CUX1: variants seen among roughly 807,000 people sequenced by gnomAD.
CUX1 encodes protein CASP.
Under a neutral mutation model 158.8 loss-of-function variants are expected in CUX1, and 31 were observed. That is an observed-to-expected ratio of 0.20 (90% CI 0.15 to 0.26). The LOEUF is 0.26. CUX1 is among the 10% of genes least tolerant of loss of function. The pLI, the probability that CUX1 is intolerant of heterozygous loss-of-function variation, is 1.00. For synonymous variants in CUX1, 879 were observed against 862.1 expected (o/e 1.02, Z -0.34); for missense variants, 1,589 against 2,014.6 (o/e 0.79, Z 4.04).
chr7:102,241,573 A>G (rs192579885), intron 23 of CUX1, among the ~76,000 whole-genome samples: 2 of 152,226 alleles, frequency 1.3e-5, no homozygotes, highest in Admixed American at 1.3e-4. Context: ...GGTCCACTGG[A>G]GTTCCTAAAG....
Position 102,255,962 on chromosome 7 carries a change from C to A in CUX1, c.*6920C>A. The A allele has an allele frequency of 1.0e-6, 1 of 985,410 alleles. No individual in the cohort carries two copies. The highest frequency in any genetic ancestry group is 1.2e-6 in the Non-Finnish European group (1 of 829,938). The allele number at this position is 985,410 out of a possible 1,614,324, so 61.0% of individuals were successfully genotyped here. ...AATAACGTATTGCACACCAAATGAA[C>A]TCAAAGTAAGCTTTAGACCAGGACG... On this transcript the variant is annotated 3_prime_UTR_variant, in exon 24 of 24. Transcript: ENST00000292535.
chr7:101,900,118 G>A (rs894775987), intron 1 of CUX1, among the ~76,000 whole-genome samples: 1 of 152,200 alleles, frequency 6.6e-6, no homozygotes. Flanking sequence ...AGAATGGGGA[G>A]ACTAGCAGCA....
chr7:101,851,316 C>G (rs1228108550), intron 1 of CUX1, among the ~76,000 whole-genome samples: 1 of 152,018 alleles, frequency 6.6e-6, no homozygotes, highest in Non-Finnish European at 1.5e-5. Context: ...AGGGTTTCAT[C>G]TTTCTTGGTG....
At chr7:102,066,641 G>C (rs1371603118) in intron 3 of CUX1, among the ~76,000 whole-genome samples, 1 of 152,198 alleles carries the variant, frequency 6.6e-6, no homozygotes, top group East Asian at 1.9e-4. Context: ...AGAAAGAGAA[G>C]CCTCTGTGTG....
At chr7:102,132,967 G>A (rs144080543) in intron 8 of CUX1, among the ~76,000 whole-genome samples, 112 of 152,036 alleles carry the variant, frequency 7.4e-4, no homozygotes, top group African/African-American at 2.2e-3. Flanking sequence ...CACCGCACCC[G>A]GCCTTAATTT....
chr7:101,837,755 C>T (rs955284622), intron 1 of CUX1, among the ~76,000 whole-genome samples: 8 of 133,502 alleles, frequency 6.0e-5, no homozygotes, highest in African/African-American at 1.4e-4. Flanking sequence ...CACTTGAAGC[C>T]GGGAGGTCGA....
At chr7:101,918,809 G>A (rs2129091030) in intron 2 of CUX1, among the ~76,000 whole-genome samples, 1 of 152,290 alleles carries the variant, frequency 6.6e-6, no homozygotes, top group Non-Finnish European at 1.5e-5. Flanking sequence ...TCAGGTTGGA[G>A]GACCACCCAA....
chr7:102,038,713 C>A (rs1464107173), intron 3 of CUX1, among the ~76,000 whole-genome samples: 1 of 152,108 alleles, frequency 6.6e-6, no homozygotes, highest in African/African-American at 2.4e-5. Context: ...AGTACTTTGG[C>A]AGGCAGAGGT....
intron 1 of CUX1, among the ~76,000 whole-genome samples, chr7:101,850,695 A>T (rs1375888363): frequency 6.6e-6 from 1 of 152,096 alleles, no homozygotes. Flanking sequence ...CTGGTTTTCT[A>T]AGTAGCAGGC....
chr7:102,080,336 CT>C (rs1827237374), intron 4 of CUX1, among the ~76,000 whole-genome samples: 1 of 152,160 alleles, frequency 6.6e-6, no homozygotes, highest in African/African-American at 2.4e-5. Context: ...TCATCAGTCG[CT>C]CATCAGCATG....
Position 102,063,384 on chromosome 7 carries a change from T to C in CUX1, c.190-6955T>C, listed in dbSNP as rs865851985. Among the ~76,000 whole-genome samples, 227 of 24,380 alleles carry C rather than the reference T, an allele frequency of 9.3e-3. 2 individuals carry two copies. Among genetic ancestry groups the C allele is most frequent in the African/African-American group, 0.029 (216 of 7,560 alleles). The allele number at this position is 24,380 out of a possible 152,430, so 16.0% of individuals were successfully genotyped here. On this transcript the variant is annotated intron_variant, in intron 3 of 23. Transcript: ENST00000292535. ...TTTACATATTAAGTATTTCCTTTTC[T>C]TTTTTTTTTTTTTTTTTTTTTTGAG...
chr7:102,149,163 C>T (rs1835341366), intron 8 of CUX1, among the ~76,000 whole-genome samples: 1 of 152,084 alleles, frequency 6.6e-6, no homozygotes, highest in Non-Finnish European at 1.5e-5. Context: ...AACAGGCTTC[C>T]ATTTCCCTGT....
At chr7:102,005,475 C>T (rs1817233918) in intron 2 of CUX1, among the ~76,000 whole-genome samples, 1 of 152,154 alleles carries the variant, frequency 6.6e-6, no homozygotes, top group South Asian at 2.1e-4. Context: ...GCTGGAACCA[C>T]AGGTGTGCAC....
intron 2 of CUX1, among the ~76,000 whole-genome samples, chr7:101,917,231 G>A (rs184530146): frequency 3.3e-5 from 5 of 152,372 alleles, no homozygotes; most frequent in Non-Finnish European, 7.3e-5. Flanking sequence ...AATTATATGT[G>A]AATTGCATTT....
Position 102,239,356 on chromosome 7 carries a change from G to A in CUX1, c.3659G>A (p.Ser1220Asn). ...MKRRHSSVSD[S>N]QPCEPPSVGT... ...CGGCGGCACAGCTCAGTCAGTGACA[G>A]CCAGCCCTGCGAACCGCCCTCTGTC... The change falls in exon 23 of 24, where the codon AGC becomes AAC. Residue 1220 changes from serine (S) to asparagine (N), a missense_variant. Ser to Asn is a conservative substitution (Grantham distance 46). This residue lies in a region of CUX1 where 259 missense variants were observed against 373.8 expected (regional missense o/e 0.69). Coordinates refer to ENST00000292535, the MANE Select transcript of CUX1 (RefSeq NM_181552.4). 6.2e-7 allele frequency: 1 copy of A among 1,611,766 alleles called. No individual in the cohort carries two copies. Among genetic ancestry groups the A allele is most frequent in the Non-Finnish European group, 8.5e-7 (1 of 1,179,196 alleles).
intron 3 of CUX1, among the ~76,000 whole-genome samples, chr7:102,028,585 GA>G: frequency 6.6e-6 from 1 of 152,314 alleles, no homozygotes; most frequent in Non-Finnish European, 1.5e-5. Flanking sequence ...TCACAGGCTT[GA>G]AACACAGAGC....
chr7:102,065,276 C>A (rs1165254372), intron 3 of CUX1, among the ~76,000 whole-genome samples: 1 of 152,140 alleles, frequency 6.6e-6, no homozygotes, highest in Non-Finnish European at 1.5e-5. Flanking sequence ...GATAGGGTCT[C>A]ACTATGCTGC....
chr7:102,266,579 G>A (rs1554545128), intron 14 of CUX1, among the ~76,000 whole-genome samples: 1 of 152,096 alleles, frequency 6.6e-6, no homozygotes, highest in African/African-American at 2.4e-5. Flanking sequence ...CAGAGCGGAT[G>A]AGGGGGCAGA....
intron 1 of CUX1, among the ~76,000 whole-genome samples, chr7:101,888,506 G>T (rs1427423421): frequency 6.6e-6 from 1 of 152,104 alleles, no homozygotes; most frequent in Admixed American, 6.6e-5. Flanking sequence ...CATACCGCCA[G>T]CCTGATGCCT....
Sources: allele counts gnomAD v4.1 joint callset (sites outside exome capture counted in the v4.1 genomes callset), GRCh38; gene constraint gnomAD v4.1.1; regional missense constraint gnomAD v4.1.1; transcripts MANE v1.5; gene names NCBI Gene and HGNC (gene_info 2026-07-23, HGNC 2026-07-21).